Variants in LRFN5 observed in about 807,000 individuals in gnomAD.
LRFN5 encodes the protein leucine rich repeat and fibronectin type III domain containing 5, also known as leucine-rich repeat and fibronectin type-III domain-containing protein 5.
A neutral mutation model predicts 45.6 loss-of-function variants in LRFN5; 24 were observed. The ratio of observed to expected loss-of-function variants is 0.53; its 90% CI spans 0.38 to 0.74. LRFN5 has a LOEUF of 0.74. LRFN5 is among the 30% of genes least tolerant of loss of function. The pLI is 0.00. For synonymous variants in LRFN5, 340 were observed against 313.8 expected, an observed-to-expected ratio of 1.08 and a Z score of -0.88; for missense variants, 776 against 861.5, an observed-to-expected ratio of 0.90 and a Z score of 1.24.
intron 4 of LRFN5, among the ~76,000 whole-genome samples, chr14:41,896,715 C>T (rs901210270): frequency 6.6e-6 from 1 of 151,996 alleles, no homozygotes; most frequent in African/African-American, 2.4e-5. Context: ...TTAGTTTGTT[C>T]ACATCTTTAT....
intron 2 of LRFN5, among the ~76,000 whole-genome samples, chr14:41,852,096 T>C (rs1038832162): frequency 6.6e-6 from 1 of 151,870 alleles, no homozygotes; most frequent in Non-Finnish European, 1.5e-5. Flanking sequence ...CTCCCTTAAA[T>C]TGCTTATTTA....
At chr14:41,623,751 T>A (rs1160955742) in intron 1 of LRFN5, among the ~76,000 whole-genome samples, 8 of 152,146 alleles carry the variant, frequency 5.3e-5, no homozygotes, top group Non-Finnish European at 1.0e-4. Context: ...TGGGCAGGCT[T>A]CTTCAGGTCT....
intron 2 of LRFN5, among the ~76,000 whole-genome samples, chr14:41,813,007 A>G (rs747717085): frequency 5.3e-5 from 8 of 152,292 alleles, no homozygotes; most frequent in Middle Eastern, 3.4e-3. Context: ...TAGAAAATAT[A>G]GGTTGAAAGT....
At chr14:41,722,692 T>C (rs1566637043) in intron 1 of LRFN5, among the ~76,000 whole-genome samples, 1 of 152,166 alleles carries the variant, frequency 6.6e-6, no homozygotes, top group African/African-American at 2.4e-5. Context: ...GATTTTATAT[T>C]GGGCTGTGCA....
At chr14:41,820,627 CTGTT>C (rs1198184308) in intron 2 of LRFN5, among the ~76,000 whole-genome samples, 2 of 151,526 alleles carry the variant, frequency 1.3e-5, no homozygotes, top group Non-Finnish European at 3.0e-5. Context: ...TTTTAGTTTT[CTGTT>C]TGTTTGTTTT....
chr14:41,811,714 A>T (rs1266113814), intron 2 of LRFN5, among the ~76,000 whole-genome samples: 1 of 152,070 alleles, frequency 6.6e-6, no homozygotes, highest in Non-Finnish European at 1.5e-5. Context: ...AGAATAGAAA[A>T]ATCTACAGAG....
intron 4 of LRFN5, chr14:41,894,904 A>G: frequency 3.0e-6 from 3 of 983,758 alleles, no homozygotes; most frequent in Non-Finnish European, 2.4e-6. Context: ...AAACAGTCAT[A>G]TATATGTGAT....
chr14:41,709,378 G>C (rs182228733), intron 1 of LRFN5, among the ~76,000 whole-genome samples: 1 of 151,974 alleles, frequency 6.6e-6, no homozygotes, highest in East Asian at 1.9e-4. Flanking sequence ...TACATTTTTG[G>C]ACCCAGACTT....
chr14:41,876,551 C>T (rs1201134867), intron 2 of LRFN5, among the ~76,000 whole-genome samples: 1 of 151,882 alleles, frequency 6.6e-6, no homozygotes, highest in Non-Finnish European at 1.5e-5. Context: ...CCGCCTTGGC[C>T]TCCCAAAGTG....
At chr14:41,721,205 T>C (rs192029604) in intron 1 of LRFN5, among the ~76,000 whole-genome samples, 2 of 152,274 alleles carry the variant, frequency 1.3e-5, no homozygotes, top group East Asian at 3.9e-4. Context: ...GCAACTCCTT[T>C]TTTTTCCATT....
chr14:41,903,081 A>AGC (rs1891149367), intron 5 of LRFN5, among the ~76,000 whole-genome samples: 1 of 151,572 alleles, frequency 6.6e-6, no homozygotes, highest in Non-Finnish European at 1.5e-5. Flanking sequence ...TATATGGTGT[A>AGC]TTTCTTATTA....
chr14:41,900,744 T>A (rs930916247), intron 5 of LRFN5, among the ~76,000 whole-genome samples: 3 of 152,088 alleles, frequency 2.0e-5, no homozygotes, highest in African/African-American at 7.2e-5. Flanking sequence ...TATTCTTGAT[T>A]CTCGGTAAAT....
chr14:41,625,023 C>G (rs1270459221), intron 1 of LRFN5, among the ~76,000 whole-genome samples: 1 of 151,844 alleles, frequency 6.6e-6, no homozygotes, highest in Non-Finnish European at 1.5e-5. Flanking sequence ...TAAGGATGTG[C>G]TTTTTACTAC....
At chr14:41,651,965 T>A (rs1880144762) in intron 1 of LRFN5, among the ~76,000 whole-genome samples, 1 of 152,052 alleles carries the variant, frequency 6.6e-6, no homozygotes, top group Non-Finnish European at 1.5e-5. Flanking sequence ...CTTGTATCAA[T>A]ACCAGTCAGA....
rs535486243 is a variant in LRFN5, at chr14:41,743,520, T to C, written c.-196-23334T>C. Among the ~76,000 whole-genome samples the C allele has an allele frequency of 5.1e-4, 77 of 152,240 alleles. 2 individuals carry two copies. Among genetic ancestry groups the C allele is most frequent in the Middle Eastern group, 3.4e-3 (1 of 294 alleles). On this transcript the variant is annotated intron_variant, in intron 1 of 5. Transcript: ENST00000298119. ...GAATCAAAAGTTAAAAAGTGGTTAC[T>C]AGAGATTGGGGAAGGATGAGGAAAA...
chr14:41,746,110 A>G (rs568913502), intron 1 of LRFN5, among the ~76,000 whole-genome samples: 32 of 152,148 alleles, frequency 2.1e-4, no homozygotes, highest in African/African-American at 7.5e-4. Context: ...TCAACAAAAT[A>G]CTAGCCAACT....
chr14:41,726,430 A>G (rs1883936220), intron 1 of LRFN5, among the ~76,000 whole-genome samples: 1 of 152,170 alleles, frequency 6.6e-6, no homozygotes, highest in Non-Finnish European at 1.5e-5. Flanking sequence ...GCATCAGAGG[A>G]AGTAACACCC....
intron 1 of LRFN5, among the ~76,000 whole-genome samples, chr14:41,759,761 C>T (rs553531889): frequency 3.9e-5 from 6 of 152,276 alleles, no homozygotes; most frequent in African/African-American, 1.4e-4. Flanking sequence ...TTCTAGTTTT[C>T]TGTGAGACAC....
chr14:41,676,580 C>T (rs1402599623), intron 1 of LRFN5, among the ~76,000 whole-genome samples: 3 of 152,030 alleles, frequency 2.0e-5, no homozygotes, highest in Non-Finnish European at 2.9e-5. Context: ...GAAGAACCCT[C>T]CTAGGTTTTC....
Sources: gnomAD v4.1 joint callset for allele counts (sites outside exome capture counted in the v4.1 genomes callset) on GRCh38, gnomAD v4.1.1 for gene constraint, MANE v1.5 for transcripts, NCBI Gene and HGNC (gene_info 2026-07-23, HGNC 2026-07-21) for gene names.